Variants in CNTNAP5 observed in about 807,000 individuals in gnomAD.
The protein encoded by CNTNAP5 is contactin associated protein family member 5.
In CNTNAP5, 72 loss-of-function variants were observed where a neutral mutation model predicts 150.2. The observed-to-expected ratio is 0.48, with a 90% CI of 0.40 to 0.58. The LOEUF (loss-of-function observed/expected upper bound fraction) is 0.58. Ranked by LOEUF, CNTNAP5 falls within the 20% of genes least tolerant of loss-of-function variation. CNTNAP5 has a pLI of 0.00. For synonymous variants in CNTNAP5, 672 were observed against 619.8 expected, an observed-to-expected ratio of 1.08 and a Z score of -1.25; for missense variants, 1,636 against 1,626.2, an observed-to-expected ratio of 1.01 and a Z score of -0.10.
intron 22 of CNTNAP5, among the ~76,000 whole-genome samples, chr2:124,906,318 A>G (rs1048965094): frequency 1.3e-5 from 2 of 152,122 alleles, no homozygotes; most frequent in African/African-American, 4.8e-5. Context: ...TAATATTGGT[A>G]TGAAATATGG....
intron 3 of CNTNAP5, among the ~76,000 whole-genome samples, chr2:124,264,194 C>G (rs999829099): frequency 6.6e-6 from 1 of 152,120 alleles, no homozygotes; most frequent in Non-Finnish European, 1.5e-5. Flanking sequence ...TCATAAGAAA[C>G]TTCTGAGTTG....
At position 124,356,893 on chromosome 2, in the gene CNTNAP5, C is replaced by T. The variant is rs574613969; in HGVS notation, c.382-60550C>T. On this transcript the variant is annotated intron_variant, in intron 3 of 23. Coordinates refer to ENST00000682447, the MANE Select transcript of CNTNAP5 (RefSeq NM_001367498.1). The stretch of plus-strand genomic sequence containing the variant: ...TGAGGAATCGCCACACTGACTTCCA[C>T]AATGGTTGAACTAGTTTACAGTCCC... Among the ~76,000 whole-genome samples the T allele has an allele frequency of 1.7e-4, 26 of 151,892 alleles. No homozygotes were observed. In the South Asian group the frequency reaches 5.4e-3, roughly 32 times the overall value.
intron 3 of CNTNAP5, among the ~76,000 whole-genome samples, chr2:124,255,439 G>A (rs1181105569): frequency 1.3e-5 from 2 of 151,720 alleles, no homozygotes; most frequent in African/African-American, 4.8e-5. Context: ...CAGGAGAATC[G>A]CTTGAACCAG....
At chr2:124,779,669 T>A (rs914377475) in intron 17 of CNTNAP5, among the ~76,000 whole-genome samples, 3 of 152,240 alleles carry the variant, frequency 2.0e-5, no homozygotes, top group Non-Finnish European at 4.4e-5. Flanking sequence ...TTCATGCTAA[T>A]AGGTTATTAA....
Position 124,636,741 on chromosome 2 carries a change from TTAC to T in CNTNAP5, c.1877-11013_1877-11011del, listed in dbSNP as rs201478054. Among the ~76,000 whole-genome samples, 122 of 152,252 alleles carry T rather than the reference TTAC, an allele frequency of 8.0e-4. 2 individuals are homozygous for T. The East Asian group carries it at 0.022, about 27-fold the overall frequency. ...TGGAGCTTAGAATAATTTTCAGCAC[TTAC>T]TACATGTGAAACTTTCTGGCAAACT... On this transcript the variant is annotated intron_variant, in intron 12 of 23. Coordinates refer to ENST00000682447, the MANE Select transcript of CNTNAP5 (RefSeq NM_001367498.1).
At chr2:124,045,002 A>T (rs991497) in intron 1 of CNTNAP5, among the ~76,000 whole-genome samples, 44,369 of 151,962 alleles carry the variant, frequency 0.29, 6,989 homozygotes, top group South Asian at 0.38. Flanking sequence ...CATTATGTGT[A>T]TATCTTAAAA....
intron 10 of CNTNAP5, among the ~76,000 whole-genome samples, chr2:124,537,821 G>GA (rs1695274479): frequency 6.6e-6 from 1 of 152,132 alleles, no homozygotes; most frequent in Non-Finnish European, 1.5e-5. Context: ...GTTTTTACAA[G>GA]AAAAGTGGAT....
chr2:124,419,145 A>AAAAAAAAAAAAAAAAAAAC lies in CNTNAP5; in HGVS notation c.529+1557_529+1575dup, dbSNP rs1692011500. On this transcript the variant is annotated intron_variant, in intron 4 of 23. Coordinates refer to ENST00000682447, the MANE Select transcript of CNTNAP5 (RefSeq NM_001367498.1). The stretch of plus-strand genomic sequence containing the variant: ...GACAGAGCGAGACTCCTTCTCAAAA[A>AAAAAAAAAAAAAAAAAAAC]AAAAAAAAAAAAAAAAAACAGTATG... 3.1e-5 allele frequency among the ~76,000 whole-genome samples: 4 copies of AAAAAAAAAAAAAAAAAAAC among 129,208 alleles called. 1 individual carries two copies. The highest frequency in any genetic ancestry group is 6.6e-5 in the Non-Finnish European group (4 of 60,588). The allele number at this position is 129,208 out of a possible 152,430, so 84.8% of individuals were successfully genotyped here. A position where few individuals can be genotyped will look rare whatever the true frequency, so the allele number is the denominator to read the frequency against.
intron 3 of CNTNAP5, among the ~76,000 whole-genome samples, chr2:124,393,936 C>T (rs1332871910): frequency 6.6e-6 from 1 of 152,180 alleles, no homozygotes; most frequent in African/African-American, 2.4e-5. Flanking sequence ...GCGGTTTATC[C>T]TGGCTTCTAG....
intron 3 of CNTNAP5, among the ~76,000 whole-genome samples, chr2:124,298,262 A>G (rs1047190977): frequency 6.6e-6 from 1 of 152,164 alleles, no homozygotes; most frequent in African/African-American, 2.4e-5. Context: ...TCACCCAGTT[A>G]TTAAGCCTAG....
rs150835727 is a variant in CNTNAP5 at position 124,798,408 on chromosome 2, C to G, written c.3217+88C>G. The G allele has an allele frequency of 1.8e-4, 169 of 950,168 alleles. 1 individual carries two copies. The East Asian group carries it at 4.1e-3, about 23-fold the overall frequency. 58.9% of individuals were successfully genotyped at this position (950,168 alleles called of 1,614,324 possible). A position where few individuals can be genotyped will look rare whatever the true frequency, so the allele number is the denominator to read the frequency against. On this transcript the variant is annotated intron_variant, in intron 19 of 23. Transcript: ENST00000682447. ...CTCCAGAACTCTGCATAATTTCAAC[C>G]TCAAGTTGGTCCCATCTGGGAAGCT... is the stretch of plus-strand genomic sequence containing the variant.
At position 124,474,804 on chromosome 2, in the gene CNTNAP5, A is replaced by T. The variant is rs1693600703; in HGVS notation, c.984A>T (p.Gly328=). 1 of 1,606,320 alleles carries T rather than the reference A, an allele frequency of 6.2e-7. No homozygotes were observed. Among genetic ancestry groups the T allele is most frequent in the East Asian group, 2.2e-5 (1 of 44,454 alleles). The change falls in exon 7 of 24, where the codon GGA becomes GGT. Residue 328 remains glycine (G), a synonymous_variant. Transcript: ENST00000682447. The part of the protein sequence containing the change: ...PGTFLKKNFH[G]CIENLYYNGV... The stretch of plus-strand genomic sequence containing the variant: ...CCTTTTTAAAGAAAAACTTCCATGG[A>T]TGCATCGAAAACCTTTACTACAATG...
At chr2:124,690,332 T>C (rs938701104) in intron 13 of CNTNAP5, among the ~76,000 whole-genome samples, 1 of 152,114 alleles carries the variant, frequency 6.6e-6, no homozygotes, top group Admixed American at 6.6e-5. Context: ...CTCTTCCTCA[T>C]GCATAGTTTT....
chr2:124,531,532 A>T (rs1310889500), intron 10 of CNTNAP5, among the ~76,000 whole-genome samples: 1 of 152,202 alleles, frequency 6.6e-6, no homozygotes, highest in South Asian at 2.1e-4. Context: ...AGTGAGACTG[A>T]CTTACATCTA....
At chr2:124,750,660 G>A (rs1406227715) in intron 14 of CNTNAP5, among the ~76,000 whole-genome samples, 1 of 151,992 alleles carries the variant, frequency 6.6e-6, no homozygotes, top group South Asian at 2.1e-4. Context: ...TATTAGGTGG[G>A]TACAAAAGTA....
chr2:124,364,137 T>G (rs1168930429), intron 3 of CNTNAP5, among the ~76,000 whole-genome samples: 1 of 152,208 alleles, frequency 6.6e-6, no homozygotes, highest in Non-Finnish European at 1.5e-5. Context: ...ACAGGATGCA[T>G]GAAACTTCCT....
intron 2 of CNTNAP5, 30 bp from the exon 3 acceptor site, chr2:124,242,170 T>A: frequency 6.5e-7 from 1 of 1,528,114 alleles, no homozygotes; most frequent in Non-Finnish European, 8.9e-7. Context: ...TTACTACAAC[T>A]CTCTCTCACT....
intron 13 of CNTNAP5, among the ~76,000 whole-genome samples, chr2:124,702,460 A>G (rs1457466879): frequency 7.2e-6 from 1 of 138,494 alleles, no homozygotes; most frequent in Admixed American, 8.3e-5. Context: ...GTGTGTCCTC[A>G]ATAGATATAG....
intron 1 of CNTNAP5, among the ~76,000 whole-genome samples, chr2:124,096,010 C>G (rs1682926507): frequency 6.6e-6 from 1 of 152,122 alleles, no homozygotes; most frequent in African/African-American, 2.4e-5. Flanking sequence ...CTAAGTCCCC[C>G]TGTCTTCAAA....
Sources: allele counts gnomAD v4.1 joint callset (sites outside exome capture counted in the v4.1 genomes callset), GRCh38; gene constraint gnomAD v4.1.1; transcripts MANE v1.5; gene names NCBI Gene and HGNC (gene_info 2026-07-23, HGNC 2026-07-21).